TPR: variants seen among roughly 807,000 people sequenced by gnomAD.
The protein encoded by TPR is translocated promoter region, nuclear basket protein.
TPR carries 51 observed loss-of-function variants against 316.1 expected under a neutral mutation model. The observed-to-expected ratio is 0.16, with a 90% confidence interval of 0.13 to 0.20. TPR has a LOEUF of 0.20. Among genes scored for constraint, TPR ranks in the 10% least tolerant of loss-of-function variants. TPR has a pLI of 1.00. For synonymous variants in TPR, 981 were observed against 914.7 expected (o/e 1.07, Z -1.31); for missense variants, 2,272 against 2,754.8 (o/e 0.82, Z 3.92).
chr1:186,332,219 T>C lies in TPR; in HGVS notation c.5580A>G (p.Lys1860=), dbSNP rs185773719. Residue 1860 remains lysine (K), a synonymous_variant, in exon 38 of 51, where the codon AAA becomes AAG. Transcript: ENST00000367478. ...CCTCAGTTCCTACAGGTGTGACACT[T>C]TTCAACTTCTTTGGAAGAGGCATTT... is the stretch of plus-strand genomic sequence containing the variant. ...TVEMPLPKKL[K]SVTPVGTEEE... The C allele has an allele frequency of 2.5e-6, 4 of 1,611,686 alleles. No homozygotes were observed. In the African/African-American group the frequency reaches 4.0e-5, roughly 16 times the overall value.
rs769287875 is a variant in TPR at position 186,317,522 on chromosome 1, G to C, written c.6900C>G (p.Leu2300=). 6.2e-7 allele frequency: 1 copy of C among 1,614,122 alleles called. No homozygotes were observed. Among genetic ancestry groups the C allele is most frequent in the South Asian group, 1.1e-5 (1 of 91,086 alleles). ...AAGGAGGATCCTGGCTGGTGGAGGG[G>C]AGATCTGACTCATCAGATGCTTGAA... is the stretch of plus-strand genomic sequence containing the variant. The part of the protein sequence containing the change: ...EPVQASDESD[L]PSTSQDPPSS... Residue 2300 remains leucine, a synonymous_variant, in exon 49 of 51, where the codon CTC becomes CTG. Coordinates refer to ENST00000367478, the MANE Select transcript of TPR (RefSeq NM_003292.3).
At chr1:186,334,972 G>T in intron 35 of TPR, 96 bp downstream of exon 35, 1 of 1,259,012 alleles carries the variant, frequency 7.9e-7, no homozygotes, top group Non-Finnish European at 1.1e-6. Context: ...TTTTACAATA[G>T]AATACACAGA....
chr1:186,358,514 A>C (rs761763444), intron 13 of TPR, 29 bp downstream of exon 13: 2 of 1,579,032 alleles, frequency 1.3e-6, no homozygotes, highest in Non-Finnish European at 1.7e-6. Flanking sequence ...GGTTTTTAAA[A>C]GTAGGAAAAC....
At chr1:186,364,032 T>C (rs543979040) in intron 4 of TPR, among the ~76,000 whole-genome samples, 1 of 152,324 alleles carries the variant, frequency 6.6e-6, no homozygotes, top group East Asian at 1.9e-4. Flanking sequence ...GTGACTCTAT[T>C]GTGAGCAGTT....
intron 39 of TPR, among the ~76,000 whole-genome samples, chr1:186,328,195 A>C (rs1658056445): frequency 6.6e-6 from 1 of 152,162 alleles, no homozygotes; most frequent in Non-Finnish European, 1.5e-5. Flanking sequence ...ATTGGTTAAT[A>C]CTCCAATAAG....
In TPR at chr1:186,361,774, T is replaced by C. The variant is rs1473178256; in HGVS notation, c.870+15A>G. ...TGCAACATTTAGATACTAACATGTG[T>C]GGTGGGATATTTACCTTGTACAAAT... On this transcript the variant is annotated intron_variant, in intron 8 of 50. Transcript: ENST00000367478. The C allele has an allele frequency of 2.5e-6, 4 of 1,612,980 alleles. No homozygotes were observed. In the African/African-American group the frequency reaches 5.3e-5, roughly 22 times the overall value.
rs1657352723 is a variant in TPR, at chr1:186,312,646, A to G, written c.*1325T>C. Reference sequence around the variant, plus strand: ...TACCAAGAACATTATATACCAGTCTATAACCCTCAATAGTTCTACATCAGA... The same window carrying G: ...TACCAAGAACATTATATACCAGTCTGTAACCCTCAATAGTTCTACATCAGA... On this transcript the variant is annotated 3_prime_UTR_variant, in exon 51 of 51. Coordinates refer to ENST00000367478, the MANE Select transcript of TPR (RefSeq NM_003292.3). 1 of 1,069,448 alleles carries G rather than the reference A, an allele frequency of 9.4e-7. No individual in the cohort carries two copies. Among genetic ancestry groups the G allele is most frequent in the Non-Finnish European group, 1.4e-6 (1 of 700,256 alleles). 66.2% of individuals were successfully genotyped at this position (1,069,448 alleles called of 1,614,324 possible).
intron 46 of TPR, among the ~76,000 whole-genome samples, chr1:186,319,964 T>C (rs1657729337): frequency 6.6e-6 from 1 of 152,306 alleles, no homozygotes; most frequent in African/African-American, 2.4e-5. Context: ...ACAGAAAACA[T>C]GCTGCATTCC....
At chr1:186,359,284 C>A (rs749792572) in intron 12 of TPR, among the ~76,000 whole-genome samples, 2 of 152,002 alleles carry the variant, frequency 1.3e-5, no homozygotes, top group African/African-American at 2.4e-5. Flanking sequence ...AGGAAAAAAT[C>A]TTTATGAATT....
chr1:186,360,916 A>G lies in TPR; in HGVS notation c.959-11T>C. ...GTATTGCTTTGTTGGCTAAAAAACA[A>G]TTTTAAAGACCAAATATTCAAACAT... is the stretch of plus-strand genomic sequence containing the variant. On this transcript the variant is annotated splice_polypyrimidine_tract_variant and intron_variant, in intron 9 of 50. Coordinates refer to ENST00000367478, the MANE Select transcript of TPR (RefSeq NM_003292.3). 6.2e-7 allele frequency: 1 copy of G among 1,604,466 alleles called. No individual in the cohort carries two copies. The highest frequency in any genetic ancestry group is 1.1e-5 in the South Asian group (1 of 89,772).
At position 186,312,718 on chromosome 1, in the gene TPR, T is replaced by G. The variant is rs373873150; in HGVS notation, c.*1253A>C. 1 of 1,584,106 alleles carries G rather than the reference T, an allele frequency of 6.3e-7. No homozygotes were observed. Among genetic ancestry groups the G allele is most frequent in the South Asian group, 1.1e-5 (1 of 90,368 alleles). ...CTCAGATGTCTGGCTCTTTCCAAGA[T>G]AGTACATTGCCTTTTAATCTGGTAT... is the stretch of plus-strand genomic sequence containing the variant. On this transcript the variant is annotated 3_prime_UTR_variant, in exon 51 of 51. Coordinates refer to ENST00000367478, the MANE Select transcript of TPR (RefSeq NM_003292.3).
intron 23 of TPR, 148 bp downstream of exon 23, chr1:186,345,987 C>G (rs536523274): frequency 2.4e-6 from 2 of 819,280 alleles, no homozygotes; most frequent in South Asian, 4.1e-5. Flanking sequence ...TATAGAGGTA[C>G]AGAAAAGAGT....
Position 186,357,587 on chromosome 1 carries a change from C to T in TPR, c.1534G>A (p.Gly512Ser). 1 of 1,613,646 alleles carries T rather than the reference C, an allele frequency of 6.2e-7. No homozygotes were observed. The highest frequency in any genetic ancestry group is 8.5e-7 in the Non-Finnish European group (1 of 1,179,972). Residue 512 changes from glycine to serine, a missense_variant, in exon 14 of 51, where the codon GGT becomes AGT. Physicochemically the swap from Gly to Ser is moderately conservative, Grantham distance 56 (BLOSUM62 0). Transcript: ENST00000367478. ...TCCTCATCACGAATTACGTGGTTAC[C>T]CCTTGCTTCTTCAAGTTCCATCAAA... Reference protein sequence around the residue: ...VLLMELEEARGNHVIRDEEVS... With the variant: ...VLLMELEEARSNHVIRDEEVS...
At chr1:186,360,715 T>C in intron 10 of TPR, 50 bp downstream of exon 10, 2 of 1,603,238 alleles carry the variant, frequency 1.2e-6, no homozygotes, top group Non-Finnish European at 8.5e-7. Context: ...GACTTTTATG[T>C]AGGAAAGCTG....
chr1:186,350,984 A>T (rs866814432), intron 20 of TPR, among the ~76,000 whole-genome samples: 2 of 152,220 alleles, frequency 1.3e-5, no homozygotes, highest in Non-Finnish European at 2.9e-5. Context: ...AATACTCATG[A>T]AAGTATTGGC....
At position 186,318,618 on chromosome 1, in the gene TPR, C is replaced by T; in HGVS notation, c.6665-15G>A. ...AAATACAGTCACTTTAAAAAGACAACACAAGAAAAAGAACTTTAAAACTTT... is the reference window on the plus strand; with the variant it reads ...AAATACAGTCACTTTAAAAAGACAATACAAGAAAAAGAACTTTAAAACTTT... On this transcript the variant is annotated splice_polypyrimidine_tract_variant and intron_variant, in intron 47 of 50. Transcript: ENST00000367478. The T allele has an allele frequency of 1.9e-6, 3 of 1,603,914 alleles. No homozygotes were observed. Among genetic ancestry groups the T allele is most frequent in the Middle Eastern group, 1.7e-4 (1 of 5,988 alleles).
At chr1:186,337,981 T>G in intron 31 of TPR, 52 bp downstream of exon 31, 1 of 1,406,892 alleles carries the variant, frequency 7.1e-7, no homozygotes, top group Non-Finnish European at 9.5e-7. Context: ...GAAATAAGAT[T>G]TCATAACATT....
chr1:186,370,928 T>C (rs899496829), intron 3 of TPR, 42 bp downstream of exon 3: 1 of 1,528,404 alleles, frequency 6.5e-7, no homozygotes, highest in Non-Finnish European at 9.1e-7. Context: ...TCCCTTCAAG[T>C]AAAATGTCTA....
At position 186,346,287 on chromosome 1, in the gene TPR, C is replaced by T; in HGVS notation, c.2944G>A (p.Val982Met). The change falls in exon 23 of 51, where the codon GTG (valine) becomes ATG (methionine). Residue 982 changes from valine to methionine, a missense_variant and splice_region_variant. Physicochemically the swap from Val to Met is conservative, Grantham distance 21 (BLOSUM62 1). Coordinates refer to ENST00000367478, the MANE Select transcript of TPR (RefSeq NM_003292.3). ...ATATTCTTACGCACTTCTTCTGTCA[C>T]CTTTACCATATTACAAACAGTAGGA... ...LEESLNKEKQ[V>M]TEEVRKNIEV... The T allele has an allele frequency of 6.2e-7, 1 of 1,610,838 alleles. No homozygotes were observed. The highest frequency in any genetic ancestry group is 8.5e-7 in the Non-Finnish European group (1 of 1,178,832).
Sources: gnomAD v4.1 joint callset for allele counts (sites outside exome capture counted in the v4.1 genomes callset) on GRCh38, gnomAD v4.1.1 for gene constraint, MANE v1.5 for transcripts, NCBI Gene and HGNC (gene_info 2026-07-23, HGNC 2026-07-21) for gene names.